Variants in SCN8A observed in about 807,000 individuals in gnomAD.
SCN8A encodes the protein sodium channel protein type 8 subunit alpha.
A neutral mutation model predicts 184.1 loss-of-function variants in SCN8A; 30 were observed. The observed-to-expected ratio is 0.16, with a 90% CI of 0.12 to 0.22. SCN8A has a LOEUF of 0.22. SCN8A is among the 10% of genes least tolerant of loss of function. The pLI is 1.00. For synonymous variants in SCN8A, 852 were observed against 907.0 expected (o/e 0.94, Z 1.09); for missense variants, 1,057 against 2,498.9 (o/e 0.42, Z 12.30).
chr12:51,633,620 A>G lies in SCN8A; in HGVS notation c.-54-29144A>G, dbSNP rs1940248878. Among the ~76,000 whole-genome samples the G allele has an allele frequency of 2.0e-5, 3 of 152,194 alleles. No individual in the cohort carries two copies. In the South Asian group the frequency reaches 6.2e-4, roughly 32 times the overall value. ...GCTGTGTAAGCATTATGGATGCCTC[A>G]GCACTTCCTCTGTTGCACATTAAAC... is the stretch of plus-strand genomic sequence containing the variant. On this transcript the variant is annotated intron_variant, in intron 1 of 26. Coordinates refer to ENST00000627620, the MANE Select transcript of SCN8A (RefSeq NM_001330260.2).
intron 1 of SCN8A, among the ~76,000 whole-genome samples, chr12:51,615,602 C>A (rs940166298): frequency 1.5e-5 from 1 of 67,140 alleles, no homozygotes; most frequent in African/African-American, 6.1e-5. Flanking sequence ...GATCTCTTTA[C>A]TGTCTCCCTT....
rs773765456 is a variant in SCN8A at position 51,684,199 on chromosome 12, A to G, written c.302A>G (p.Lys101Arg). The G allele has an allele frequency of 1.9e-6, 3 of 1,597,578 alleles. No individual in the cohort carries two copies. Among genetic ancestry groups the G allele is most frequent in the Non-Finnish European group, 2.6e-6 (3 of 1,165,004 alleles). Residue 101 changes from lysine (K) to arginine (R), a missense_variant, in exon 3 of 27, where the codon AAA becomes AGA. Physicochemically the swap from Lys to Arg is conservative, Grantham distance 26. Transcript: ENST00000627620. ...QKTFVVLNRG[K>R]TLFRFSATPA... is the part of the protein sequence containing the mutation. ...ACCTTTGTAGTATTAAACAGAGGGAAAACTCTCTTCAGATTTAGTGCCACG... is the reference window on the plus strand; with the variant it reads ...ACCTTTGTAGTATTAAACAGAGGGAGAACTCTCTTCAGATTTAGTGCCACG...
At chr12:51,681,313 T>G (rs1460025695) in intron 2 of SCN8A, among the ~76,000 whole-genome samples, 3 of 152,210 alleles carry the variant, frequency 2.0e-5, no homozygotes, top group African/African-American at 7.2e-5. Context: ...TGCTCTTTGC[T>G]GCGTGACCTT....
At position 51,808,165 on chromosome 12, in the gene SCN8A, C is replaced by T. The variant is rs1019951403; in HGVS notation, c.*736C>T. ...AATCTAGTCCCTTGCACTGGGTCAGCCTTTGGACAGGACCCAGCCCTGCAC... is the reference window on the plus strand; with the variant it reads ...AATCTAGTCCCTTGCACTGGGTCAGTCTTTGGACAGGACCCAGCCCTGCAC... On this transcript the variant is annotated 3_prime_UTR_variant, in exon 27 of 27. Transcript: ENST00000627620. 1.9e-5 allele frequency: 3 copies of T among 155,388 alleles called. No individual in the cohort carries two copies. The highest frequency in any genetic ancestry group is 6.2e-5 in the Admixed American group (1 of 16,178). The allele number at this position is 155,388 out of a possible 1,614,324, so 9.6% of individuals were successfully genotyped here.
intron 23 of SCN8A, 101 bp from the exon 24 acceptor site, chr12:51,789,180 T>C (rs1938173113): frequency 7.8e-7 from 1 of 1,281,920 alleles, no homozygotes; most frequent in East Asian, 2.4e-5. Context: ...CACCCCAAGA[T>C]GTTTAGCAGC....
chr12:51,622,459 T>C (rs1339229732), intron 1 of SCN8A, among the ~76,000 whole-genome samples: 4 of 152,204 alleles, frequency 2.6e-5, no homozygotes, highest in African/African-American at 9.6e-5. Flanking sequence ...AGACTTCCCT[T>C]GTTTTTTAAT....
chr12:51,646,009 T>TAAAA, intron 1 of SCN8A, among the ~76,000 whole-genome samples: 1 of 123,422 alleles, frequency 8.1e-6, no homozygotes, highest in Non-Finnish European at 1.7e-5. Context: ...AAGATAAAAG[T>TAAAA]AAAAAAAAAA....
At chr12:51,736,849 A>G (rs181320448) in intron 12 of SCN8A, among the ~76,000 whole-genome samples, 2 of 152,350 alleles carry the variant, frequency 1.3e-5, no homozygotes, top group African/African-American at 2.4e-5. Context: ...CAATACCTCA[A>G]TTACAGCTAC....
intron 1 of SCN8A, among the ~76,000 whole-genome samples, chr12:51,604,637 C>T (rs1403858390): frequency 6.6e-6 from 1 of 152,182 alleles, no homozygotes; most frequent in African/African-American, 2.4e-5. Flanking sequence ...AAGCAATTCT[C>T]CTGCCTCAGC....
intron 26 of SCN8A, among the ~76,000 whole-genome samples, chr12:51,798,421 C>T (rs991137758): frequency 6.6e-6 from 1 of 152,198 alleles, no homozygotes; most frequent in Non-Finnish European, 1.5e-5. Context: ...CAAACCGCTG[C>T]CCTTTCCATG....
intron 1 of SCN8A, among the ~76,000 whole-genome samples, chr12:51,595,542 C>T (rs1939328431): frequency 6.6e-6 from 1 of 152,090 alleles, no homozygotes; most frequent in African/African-American, 2.4e-5. Context: ...AGATTCAAAT[C>T]CCGACTCTGC....
chr12:51,711,635 C>T (rs1407453120), intron 11 of SCN8A, among the ~76,000 whole-genome samples: 5 of 151,902 alleles, frequency 3.3e-5, no homozygotes, highest in African/African-American at 4.8e-5. Flanking sequence ...GTTAGTTTAA[C>T]AATGAATGTG....
At chr12:51,790,622 TC>T in intron 25 of SCN8A, 120 bp downstream of exon 25, 1 of 635,002 alleles carries the variant, frequency 1.6e-6, no homozygotes, top group South Asian at 1.9e-5. Context: ...AATCCTCTCC[TC>T]ACCACCCATC....
chr12:51,649,221 C>T (rs1031943281), intron 1 of SCN8A, among the ~76,000 whole-genome samples: 2 of 152,188 alleles, frequency 1.3e-5, no homozygotes, highest in Non-Finnish European at 2.9e-5. Context: ...TGTGGTTTTG[C>T]AGGGTACAGC....
Position 51,810,646 on chromosome 12 carries a change from G to A in SCN8A, c.*3217G>A, listed in dbSNP as rs1013002956. On this transcript the variant is annotated 3_prime_UTR_variant, in exon 27 of 27. Coordinates refer to ENST00000627620, the MANE Select transcript of SCN8A (RefSeq NM_001330260.2). ...GACAAAAAGCAAAAAGATGTGTGATGCTGTTAATAATTTAAAATGCAGAGC... is the reference window on the plus strand; with the variant it reads ...GACAAAAAGCAAAAAGATGTGTGATACTGTTAATAATTTAAAATGCAGAGC... 1 of 153,622 alleles carries A rather than the reference G, an allele frequency of 6.5e-6. No homozygotes were observed. Among genetic ancestry groups the A allele is most frequent in the Non-Finnish European group, 1.4e-5 (1 of 69,188 alleles). 9.5% of individuals were successfully genotyped at this position (153,622 alleles called of 1,614,324 possible). A position where few individuals can be genotyped will look rare whatever the true frequency, so the allele number is the denominator to read the frequency against.
At chr12:51,772,952 TG>T (rs1942951546) in intron 19 of SCN8A, among the ~76,000 whole-genome samples, 4 of 152,002 alleles carry the variant, frequency 2.6e-5, no homozygotes. Context: ...CCATCTCTAC[TG>T]AAAATACAAA....
rs149221191 is a variant in SCN8A at position 51,787,453 on chromosome 12, G to A, written c.4227+627G>A. Reference sequence around the variant, plus strand: ...AGACAACATAATGCAGTGAAAGCTCGTAGGCTTTGAAATTAGACTGTTATA... The same window carrying A: ...AGACAACATAATGCAGTGAAAGCTCATAGGCTTTGAAATTAGACTGTTATA... On this transcript the variant is annotated intron_variant, in intron 22 of 26. Transcript: ENST00000627620. Among the ~76,000 whole-genome samples, 7 of 152,308 alleles carry A rather than the reference G, an allele frequency of 4.6e-5. No homozygotes were observed. The East Asian group carries it at 9.6e-4, about 21-fold the overall frequency.
intron 26 of SCN8A, among the ~76,000 whole-genome samples, chr12:51,797,097 C>G (rs1043748308): frequency 1.3e-5 from 2 of 152,196 alleles, no homozygotes; most frequent in Non-Finnish European, 2.9e-5. Flanking sequence ...CAAATTGACA[C>G]TTAATATTAA....
chr12:51,773,591 C>A (rs1368548054), intron 19 of SCN8A, among the ~76,000 whole-genome samples: 1 of 152,192 alleles, frequency 6.6e-6, no homozygotes, highest in Non-Finnish European at 1.5e-5. Flanking sequence ...CTTTGGAAAA[C>A]AGTTTGGCAG....
Sources: gnomAD v4.1 joint callset for allele counts (sites outside exome capture counted in the v4.1 genomes callset) on GRCh38, gnomAD v4.1.1 for gene constraint, MANE v1.5 for transcripts, NCBI Gene and HGNC (gene_info 2026-07-23, HGNC 2026-07-21) for gene names.